Variants in SPATS2 observed in about 807,000 individuals in gnomAD.
SPATS2 encodes the protein spermatogenesis associated serine rich 2.
Under a neutral mutation model 63.7 loss-of-function variants are expected in SPATS2, and 38 were observed. That is an observed-to-expected ratio of 0.60 (90% CI 0.46 to 0.78). The LOEUF (loss-of-function observed/expected upper bound fraction) is 0.78. SPATS2 is among the 30% of genes least tolerant of loss of function. The pLI is 0.00. For synonymous variants in SPATS2, 207 were observed against 232.9 expected (o/e 0.89, Z 1.01); for missense variants, 588 against 666.2 (o/e 0.88, Z 1.29).
rs1331422102 is a variant in SPATS2, at chr12:49,517,565, C to A, written c.899-1508C>A. On this transcript the variant is annotated intron_variant, in intron 10 of 13. Transcript: ENST00000552918. ...AGAAAATGAAAAGTACAGAGGTAAG[C>A]AACCCAGGGCTGGCAGGACATTTCC... 5.3e-5 allele frequency among the ~76,000 whole-genome samples: 8 copies of A among 152,068 alleles called. No individual in the cohort carries two copies. The East Asian group carries it at 1.5e-3, about 29-fold the overall frequency.
chr12:49,404,289 AT>A (rs776854381), intron 2 of SPATS2, among the ~76,000 whole-genome samples: 344 of 124,482 alleles, frequency 2.8e-3, no homozygotes, highest in Middle Eastern at 4.1e-3. Context: ...TTTTTTTTTC[AT>A]TTTTTTTTTT....
intron 3 of SPATS2, among the ~76,000 whole-genome samples, chr12:49,481,996 C>T (rs1158866578): frequency 1.3e-5 from 2 of 152,078 alleles, no homozygotes; most frequent in Admixed American, 1.3e-4. Flanking sequence ...GTTTAAAAAT[C>T]ACTAAGTATT....
intron 2 of SPATS2, among the ~76,000 whole-genome samples, chr12:49,429,170 G>C (rs1945135369): frequency 6.6e-6 from 1 of 152,278 alleles, no homozygotes; most frequent in Admixed American, 6.5e-5. Context: ...GTAAAGAGGA[G>C]TTGTGGTATC....
chr12:49,423,633 A>G (rs145213515), intron 2 of SPATS2, among the ~76,000 whole-genome samples: 91 of 152,354 alleles, frequency 6.0e-4, no homozygotes, highest in African/African-American at 1.8e-3. Flanking sequence ...TTCAATGAAT[A>G]TTAGTTGAAT....
At position 49,446,713 on chromosome 12, in the gene SPATS2, C is replaced by T. The variant is rs372068975; in HGVS notation, c.-243-14057C>T. On this transcript the variant is annotated intron_variant, in intron 2 of 13. Transcript: ENST00000552918. The stretch of plus-strand genomic sequence containing the variant: ...ATTTCTCCCGTCTTAAGGGCTCATG[C>T]GATTAGATTGGGCCCATCCAGATAA... Among the ~76,000 whole-genome samples, 73 of 152,278 alleles carry T rather than the reference C, an allele frequency of 4.8e-4. No individual in the cohort carries two copies. In the South Asian group the frequency reaches 0.012, roughly 26 times the overall value.
At chr12:49,488,250 G>C (rs144873201) in intron 4 of SPATS2, among the ~76,000 whole-genome samples, 2,230 of 151,680 alleles carry the variant, frequency 0.015, 18 homozygotes, top group Middle Eastern at 0.027. Flanking sequence ...TTTCCATGTT[G>C]GTCAGGCTGG....
Position 49,485,333 on chromosome 12 carries a change from C to T in SPATS2, c.105+664C>T, listed in dbSNP as rs370687994. On this transcript the variant is annotated intron_variant, in intron 4 of 13. Transcript: ENST00000552918. ...CCTCCCAAAGTGCTGGGATTACAAG[C>T]GTGAGCCACCATGCCCGGCCGAAAT... 6.6e-5 allele frequency among the ~76,000 whole-genome samples: 10 copies of T among 151,992 alleles called. No individual in the cohort carries two copies. The East Asian group carries it at 1.2e-3, about 18-fold the overall frequency.
At chr12:49,387,397 G>T (rs1186176923) in intron 2 of SPATS2, among the ~76,000 whole-genome samples, 1 of 152,040 alleles carries the variant, frequency 6.6e-6, no homozygotes, top group African/African-American at 2.4e-5. Flanking sequence ...AGCATTTTGG[G>T]AGGCTGAGGT....
At chr12:49,486,501 GTC>G (rs1020482817) in intron 4 of SPATS2, among the ~76,000 whole-genome samples, 3 of 152,158 alleles carry the variant, frequency 2.0e-5, no homozygotes, top group African/African-American at 7.2e-5. Flanking sequence ...ATCCAGCAGA[GTC>G]TGTAATTTTT....
intron 3 of SPATS2, 33 bp from the exon 4 acceptor site, chr12:49,484,557 C>G: frequency 6.3e-7 from 1 of 1,596,272 alleles, no homozygotes; most frequent in African/African-American, 1.3e-5. Context: ...ATATTTGGAT[C>G]ATGTTGAATA....
At chr12:49,489,415 C>A in intron 4 of SPATS2, 50 bp from the exon 5 acceptor site, 1 of 1,458,988 alleles carries the variant, frequency 6.9e-7, no homozygotes, top group Non-Finnish European at 9.6e-7. Context: ...GCCTCAGCTG[C>A]CTAGTGACCT....
intron 2 of SPATS2, among the ~76,000 whole-genome samples, chr12:49,386,796 A>G (rs1944325280): frequency 6.6e-6 from 1 of 152,162 alleles, no homozygotes. Context: ...CCATGAAGAT[A>G]GTGGGTTATT....
intron 2 of SPATS2, among the ~76,000 whole-genome samples, chr12:49,410,450 G>A (rs543722232): frequency 3.3e-5 from 5 of 152,064 alleles, no homozygotes; most frequent in Non-Finnish European, 7.4e-5. Context: ...ACTTTGTTAG[G>A]CACTGGGATG....
rs371658854 is a variant in SPATS2 at position 49,444,543 on chromosome 12, G to T, written c.-243-16227G>T. The stretch of plus-strand genomic sequence containing the variant: ...CTTAATTCGTGATGCTATTGTGAAT[G>T]TAATTTTTTGTTAATTTTATTTTTG... On this transcript the variant is annotated intron_variant, in intron 2 of 13. Transcript: ENST00000552918. 4.7e-4 allele frequency among the ~76,000 whole-genome samples: 72 copies of T among 151,992 alleles called. No individual in the cohort carries two copies. In the South Asian group the frequency reaches 0.012, roughly 26 times the overall value.
At chr12:49,470,797 G>A (rs951153225) in intron 3 of SPATS2, among the ~76,000 whole-genome samples, 2 of 152,162 alleles carry the variant, frequency 1.3e-5, no homozygotes, top group South Asian at 2.1e-4. Flanking sequence ...TCATTAGCCT[G>A]TTAGCCTTGT....
At chr12:49,484,787 C>T in intron 4 of SPATS2, 118 bp downstream of exon 4, 1 of 820,202 alleles carries the variant, frequency 1.2e-6, no homozygotes. Context: ...TAAAACAATG[C>T]CACTATATAT....
rs1399724561 is a variant in SPATS2 at position 49,481,814 on chromosome 12, T to C, written c.26-2776T>C. ...CTTGCCTGAGAATTTTTTTTTTACC[T>C]GAACACCCAGGATTAGAGAATATTT... On this transcript the variant is annotated intron_variant, in intron 3 of 13. Coordinates refer to ENST00000552918, the MANE Select transcript of SPATS2 (RefSeq NM_023071.4). Among the ~76,000 whole-genome samples, 5 of 152,102 alleles carry C rather than the reference T, an allele frequency of 3.3e-5. No homozygotes were observed. The South Asian group carries it at 8.3e-4, about 25-fold the overall frequency.
chr12:49,458,102 G>T (rs1945751528), intron 2 of SPATS2, among the ~76,000 whole-genome samples: 1 of 152,078 alleles, frequency 6.6e-6, no homozygotes, highest in Non-Finnish European at 1.5e-5. Flanking sequence ...TTTCCTTCTT[G>T]CATTGCATTT....
intron 2 of SPATS2, among the ~76,000 whole-genome samples, chr12:49,413,224 A>G (rs1944828414): frequency 6.6e-6 from 1 of 151,970 alleles, no homozygotes; most frequent in Non-Finnish European, 1.5e-5. Context: ...AGATATGTTG[A>G]TGGCTTCCTT....
Sources: allele counts gnomAD v4.1 joint callset (sites outside exome capture counted in the v4.1 genomes callset), GRCh38; gene constraint gnomAD v4.1.1; transcripts MANE v1.5; gene names NCBI Gene and HGNC (gene_info 2026-07-23, HGNC 2026-07-21).